RBFOX1: variants seen among roughly 807,000 people sequenced by gnomAD.
RBFOX1 encodes the protein RNA binding protein fox-1 homolog 1.
Under a neutral mutation model 57.7 loss-of-function variants are expected in RBFOX1, and 8 were observed. The observed-to-expected ratio is 0.14, with a 90% confidence interval of 0.08 to 0.25. The LOEUF (loss-of-function observed/expected upper bound fraction) is 0.25, where lower values mean the gene tolerates loss of function less well. RBFOX1 is among the 10% of genes least tolerant of loss of function. RBFOX1 has a pLI of 1.00. For missense variants in RBFOX1, 611 were observed against 548.5 expected (o/e 1.11, Z -1.14); for synonymous variants, 326 against 222.4 (o/e 1.47, Z -4.15).
chr16:5,625,193 G>GC (rs1310254661), intron 3 of RBFOX1, among the ~76,000 whole-genome samples: 1 of 151,988 alleles, frequency 6.6e-6, no homozygotes, highest in Non-Finnish European at 1.5e-5. Context: ...TGGAAGATGA[G>GC]CCCCCCAGAA....
intron 11 of RBFOX1, among the ~76,000 whole-genome samples, chr16:7,646,717 G>A (rs1568263771): frequency 6.6e-6 from 1 of 152,218 alleles, no homozygotes; most frequent in Non-Finnish European, 1.5e-5. Context: ...TTTTGCATCT[G>A]CTACTCTTCC....
intron 3 of RBFOX1, among the ~76,000 whole-genome samples, chr16:7,028,475 T>C (rs1427092202): frequency 1.3e-5 from 2 of 151,468 alleles, no homozygotes; most frequent in African/African-American, 2.4e-5. Flanking sequence ...TAATCCCAGC[T>C]CCTTGGGAGG....
At chr16:5,318,760 T>C (rs2064314217) in intron 1 of RBFOX1, among the ~76,000 whole-genome samples, 1 of 152,312 alleles carries the variant, frequency 6.6e-6, no homozygotes, top group East Asian at 1.9e-4. Context: ...TTTGCAGATA[T>C]TAAGGTCTCA....
At chr16:5,766,429 C>G (rs187627630) in intron 3 of RBFOX1, among the ~76,000 whole-genome samples, 116 of 152,054 alleles carry the variant, frequency 7.6e-4, no homozygotes, top group South Asian at 4.6e-3. Context: ...TACTAAAATG[C>G]AAAAAATTAG....
intron 3 of RBFOX1, among the ~76,000 whole-genome samples, chr16:6,723,090 T>C (rs35110061): frequency 1.3e-5 from 2 of 152,136 alleles, no homozygotes; most frequent in Non-Finnish European, 2.9e-5. Flanking sequence ...TGAGTGGTGA[T>C]GTGGACACCA....
intron 2 of RBFOX1, among the ~76,000 whole-genome samples, chr16:6,504,410 C>G (rs925931802): frequency 6.6e-6 from 1 of 152,216 alleles, no homozygotes; most frequent in Admixed American, 6.5e-5. Flanking sequence ...TCTGCTGGCA[C>G]TGGTGTATGC....
intron 5 of RBFOX1, among the ~76,000 whole-genome samples, chr16:7,537,340 A>T (rs1313332816): frequency 6.6e-6 from 1 of 152,198 alleles, no homozygotes; most frequent in Non-Finnish European, 1.5e-5. Flanking sequence ...ACAATTTGGG[A>T]CGGTATAGTC....
At chr16:5,364,518 A>G (rs1055205728) in intron 1 of RBFOX1, among the ~76,000 whole-genome samples, 1 of 152,188 alleles carries the variant, frequency 6.6e-6, no homozygotes, top group Non-Finnish European at 1.5e-5. Context: ...GGATCTGGCA[A>G]TAGGGACGTC....
intron 14 of RBFOX1, among the ~76,000 whole-genome samples, chr16:7,688,164 A>T (rs2076475710): frequency 6.6e-6 from 1 of 151,776 alleles, no homozygotes; most frequent in Non-Finnish European, 1.5e-5. Flanking sequence ...CTACCAGGCC[A>T]GAAGACCAAC....
At chr16:7,421,243 G>C (rs1234044421) in intron 4 of RBFOX1, among the ~76,000 whole-genome samples, 1 of 151,604 alleles carries the variant, frequency 6.6e-6, no homozygotes, top group African/African-American at 2.4e-5. Flanking sequence ...CAAAGAGAGA[G>C]AGAACAACCT....
At chr16:5,952,303 A>C (rs1008202595) in intron 4 of RBFOX1, among the ~76,000 whole-genome samples, 1 of 151,946 alleles carries the variant, frequency 6.6e-6, no homozygotes, top group Non-Finnish European at 1.5e-5. Flanking sequence ...GGCGTGCGCC[A>C]CCACACCTGG....
In RBFOX1 at chr16:7,710,356, C is replaced by A. The variant is rs569562425; in HGVS notation, c.1072-267C>A. 4.6e-6 allele frequency: 6 copies of A among 1,291,258 alleles called. No homozygotes were observed. The East Asian group carries it at 1.1e-4, about 23-fold the overall frequency. The allele number at this position is 1,291,258 out of a possible 1,614,324, so 80.0% of individuals were successfully genotyped here. A position where few individuals can be genotyped will look rare whatever the true frequency, so the allele number is the denominator to read the frequency against. ...AAAAAATGAGACAGTGAAAATCCTTCCATTGTCCAGCTTATAATAGAGTCC... is the reference window on the plus strand; with the variant it reads ...AAAAAATGAGACAGTGAAAATCCTTACATTGTCCAGCTTATAATAGAGTCC... On this transcript the variant is annotated intron_variant, in intron 15 of 15. Coordinates refer to ENST00000550418, the MANE Select transcript of RBFOX1 (RefSeq NM_018723.4).
intron 1 of RBFOX1, among the ~76,000 whole-genome samples, chr16:6,049,743 T>C (rs543689064): frequency 2.0e-5 from 3 of 152,258 alleles, no homozygotes; most frequent in South Asian, 4.1e-4. Context: ...CAGAGCAAAA[T>C]TGAGCAGAAG....
chr16:7,189,618 T>C (rs1395789500), intron 4 of RBFOX1, among the ~76,000 whole-genome samples: 1 of 148,892 alleles, frequency 6.7e-6, no homozygotes, highest in Non-Finnish European at 1.5e-5. Context: ...CATAAGCCAC[T>C]CTATGCAGCA....
At chr16:5,332,430 T>G (rs1236254270) in intron 1 of RBFOX1, among the ~76,000 whole-genome samples, 1 of 151,860 alleles carries the variant, frequency 6.6e-6, no homozygotes, top group Non-Finnish European at 1.5e-5. Context: ...CCCAGCTGAT[T>G]TTTTTGTATT....
chr16:6,210,888 A>G (rs1261201639), intron 1 of RBFOX1, among the ~76,000 whole-genome samples: 1 of 152,186 alleles, frequency 6.6e-6, no homozygotes, highest in South Asian at 2.1e-4. Flanking sequence ...AGCTCAGCTG[A>G]TACCACTTTC....
chr16:6,981,049 A>AAAAAAAAAAAAAC, intron 3 of RBFOX1, among the ~76,000 whole-genome samples: 1 of 151,044 alleles, frequency 6.6e-6, no homozygotes, highest in Non-Finnish European at 1.5e-5. Flanking sequence ...TCTCAAAAAA[A>AAAAAAAAAAAAAC]AAAAAAAAAA....
At chr16:7,288,083 C>G (rs1037425415) in intron 4 of RBFOX1, among the ~76,000 whole-genome samples, 3 of 152,124 alleles carry the variant, frequency 2.0e-5, no homozygotes, top group Non-Finnish European at 4.4e-5. Flanking sequence ...GATGCTGGAT[C>G]AAGGTCTGAG....
intron 4 of RBFOX1, among the ~76,000 whole-genome samples, chr16:5,978,637 A>G (rs2060113810): frequency 6.6e-6 from 1 of 151,550 alleles, no homozygotes; most frequent in Admixed American, 6.6e-5. Context: ...TTATGTGAAA[A>G]AGACTCAGAG....
Sources: gnomAD v4.1 joint callset for allele counts (sites outside exome capture counted in the v4.1 genomes callset) on GRCh38, gnomAD v4.1.1 for gene constraint, MANE v1.5 for transcripts, NCBI Gene and HGNC (gene_info 2026-07-23, HGNC 2026-07-21) for gene names.